Variants in RBFOX3 observed in about 807,000 individuals in gnomAD.
RBFOX3 encodes the protein RNA binding protein fox-1 homolog 3.
In RBFOX3, 17 loss-of-function variants were observed where a neutral mutation model predicts 48.7. The ratio of observed to expected loss-of-function variants is 0.35; its 90% CI spans 0.24 to 0.52. RBFOX3 has a LOEUF of 0.52. Among genes scored for constraint, RBFOX3 ranks in the 20% least tolerant of loss-of-function variants. RBFOX3 has a pLI of 0.94. For synonymous variants in RBFOX3, 212 were observed against 209.5 expected, an observed-to-expected ratio of 1.01 and a Z score of -0.10; for missense variants, 382 against 497.5, an observed-to-expected ratio of 0.77 and a Z score of 2.21.
At chr17:79,447,036 G>T (rs1293360832) in intron 2 of RBFOX3, among the ~76,000 whole-genome samples, 2 of 152,226 alleles carry the variant, frequency 1.3e-5, no homozygotes, top group African/African-American at 4.8e-5. Context: ...TGGGGCCCGT[G>T]TCAACCTGGG....
chr17:79,271,656 A>G (rs111572477), intron 3 of RBFOX3, among the ~76,000 whole-genome samples: 30 of 152,260 alleles, frequency 2.0e-4, no homozygotes, highest in African/African-American at 6.7e-4. Flanking sequence ...TTCCAACTGA[A>G]AGCTCTGACC....
rs2065813778 is a variant in RBFOX3 at position 79,418,980 on chromosome 17, T to G, written c.-175+63474A>C. The stretch of plus-strand genomic sequence containing the variant: ...GATTTTACAAGCCCTCAGTTAAATG[T>G]GGATAATTACGTCTGCTGGTGTCAA... On this transcript the variant is annotated intron_variant, in intron 2 of 14. Coordinates refer to ENST00000693108, the MANE Select transcript of RBFOX3 (RefSeq NM_001350451.2). This position sits in a 1 kb window ranked among gnomAD's most constrained non-coding sequence, Gnocchi z 5.0. 6.6e-6 allele frequency among the ~76,000 whole-genome samples: 1 copy of G among 152,200 alleles called. No individual in the cohort carries two copies. The highest frequency in any genetic ancestry group is 1.5e-5 in the Non-Finnish European group (1 of 68,032).
intron 3 of RBFOX3, among the ~76,000 whole-genome samples, chr17:79,274,102 C>T (rs1360506480): frequency 6.6e-5 from 10 of 152,138 alleles, no homozygotes; most frequent in South Asian, 6.2e-4. Context: ...TGAGAGAAGG[C>T]GGTGTGCCCT....
chr17:79,572,823 C>T (rs976539716), intron 1 of RBFOX3, among the ~76,000 whole-genome samples: 5 of 152,286 alleles, frequency 3.3e-5, no homozygotes, highest in East Asian at 1.9e-4. Flanking sequence ...GCTGCAGGGA[C>T]GCAGAGGCTG....
intron 2 of RBFOX3, among the ~76,000 whole-genome samples, chr17:79,325,123 G>A: frequency 6.6e-6 from 1 of 152,234 alleles, no homozygotes; most frequent in Admixed American, 6.5e-5. Context: ...CACCACCCCT[G>A]TGCCCATTCC....
chr17:79,430,209 C>T (rs1212354472), intron 2 of RBFOX3, among the ~76,000 whole-genome samples: 2 of 151,924 alleles, frequency 1.3e-5, no homozygotes, highest in African/African-American at 4.8e-5. Context: ...CTTCGAGAGC[C>T]ATTGTTTTTA....
chr17:79,563,625 G>A (rs1488870038), intron 1 of RBFOX3, among the ~76,000 whole-genome samples: 1 of 152,208 alleles, frequency 6.6e-6, no homozygotes, highest in Non-Finnish European at 1.5e-5. Flanking sequence ...TTGATTACTC[G>A]TGAGATGAGT....
At chr17:79,627,762 C>T in the RBFOX3 span, among the ~76,000 whole-genome samples, 2 of 151,916 alleles carry the variant, frequency 1.3e-5, no homozygotes, top group Non-Finnish European at 2.9e-5. Flanking sequence ...CTGGGCAGCT[C>T]GTTTTTTCCA....
At chr17:79,179,894 G>T (rs550319455) in intron 4 of RBFOX3, among the ~76,000 whole-genome samples, 1 of 152,336 alleles carries the variant, frequency 6.6e-6, no homozygotes, top group South Asian at 2.1e-4. Flanking sequence ...TCAGATGTTG[G>T]GGGACCACGG....
intron 2 of RBFOX3, among the ~76,000 whole-genome samples, chr17:79,351,254 T>A (rs990378695): frequency 1.3e-5 from 2 of 152,214 alleles, no homozygotes; most frequent in African/African-American, 4.8e-5. Context: ...CTGTGTTCAA[T>A]TCTCTGGGGG....
At chr17:79,591,229 G>A (rs35717502) in intron 1 of RBFOX3, among the ~76,000 whole-genome samples, 27,883 of 152,152 alleles carry the variant, frequency 0.18, 3,059 homozygotes, top group Middle Eastern at 0.29. Context: ...ATTGCCATGT[G>A]TCCCCCCTGG....
chr17:79,450,637 C>G (rs2073307585), intron 2 of RBFOX3, among the ~76,000 whole-genome samples: 1 of 151,832 alleles, frequency 6.6e-6, no homozygotes, highest in Admixed American at 6.6e-5. Context: ...TGGGGTGTGA[C>G]CCATCATAAT....
intron 4 of RBFOX3, among the ~76,000 whole-genome samples, chr17:79,156,118 G>A (rs1472333255): frequency 1.3e-5 from 2 of 152,196 alleles, no homozygotes; most frequent in African/African-American, 2.4e-5. Context: ...TGGGGGTGAC[G>A]GGGAAAAGGT....
chr17:79,102,816 G>A (rs905061808), intron 8 of RBFOX3, among the ~76,000 whole-genome samples: 1 of 152,254 alleles, frequency 6.6e-6, no homozygotes, highest in African/African-American at 2.4e-5. Context: ...GGGGATTAAT[G>A]GCTCCTTGGC....
At chr17:79,352,337 C>G (rs890369669) in intron 2 of RBFOX3, among the ~76,000 whole-genome samples, 1 of 152,180 alleles carries the variant, frequency 6.6e-6, no homozygotes, top group Non-Finnish European at 1.5e-5. Context: ...CTCCTGCCAC[C>G]ATGTGAAGAT....
chr17:79,442,962 C>T (rs1301574260), intron 2 of RBFOX3, among the ~76,000 whole-genome samples: 1 of 152,214 alleles, frequency 6.6e-6, no homozygotes. Flanking sequence ...TAAAGAGGTC[C>T]CAGGCCATGA....
At chr17:79,278,136 G>A (rs2069359753) in intron 3 of RBFOX3, among the ~76,000 whole-genome samples, 1 of 152,216 alleles carries the variant, frequency 6.6e-6, no homozygotes, top group Admixed American at 6.5e-5. Flanking sequence ...AGGAAGGCTG[G>A]GAGGCTGGCC....
intron 1 of RBFOX3, among the ~76,000 whole-genome samples, chr17:79,522,929 CAAAAAAAA>C (rs34245309): frequency 2.5e-4 from 8 of 31,966 alleles, no homozygotes; most frequent in African/African-American, 5.1e-4. Flanking sequence ...GACTCCGTCT[CAAAAAAAA>C]AAAAAAAAAA....
chr17:79,454,126 C>T (rs2074056389), intron 2 of RBFOX3, among the ~76,000 whole-genome samples: 2 of 152,118 alleles, frequency 1.3e-5, no homozygotes, highest in South Asian at 4.1e-4. Flanking sequence ...ATCACCTCTG[C>T]TCTGACCCCC....
Sources: allele counts gnomAD v4.1 joint callset (sites outside exome capture counted in the v4.1 genomes callset), GRCh38; gene constraint gnomAD v4.1.1; non-coding constraint Gnocchi (gnomAD v3.1); transcripts MANE v1.5; gene names NCBI Gene and HGNC (gene_info 2026-07-23, HGNC 2026-07-21).